STYXL2: variants seen among roughly 807,000 people sequenced by gnomAD.
The protein encoded by STYXL2 is serine/threonine/tyrosine interacting like 2.
Under a neutral mutation model 52.4 loss-of-function variants are expected in STYXL2, and 44 were observed. The ratio of observed to expected loss-of-function variants is 0.84; its 90% confidence interval spans 0.66 to 1.08. STYXL2 has a LOEUF of 1.08. Ranked by LOEUF, STYXL2 falls within the 50% of genes least tolerant of loss-of-function variation. The pLI is 0.00. For missense variants in STYXL2, 1,604 were observed against 1,471.7 expected (o/e 1.09, Z -1.47); for synonymous variants, 604 against 586.9 (o/e 1.03, Z -0.42).
chr1:167,124,645 A>G (rs2102246772), intron 5 of STYXL2, among the ~76,000 whole-genome samples: 1 of 152,374 alleles, frequency 6.6e-6, no homozygotes, highest in Admixed American at 6.5e-5. Context: ...CTATAAAAAC[A>G]GACATCCACC....
rs777587568 is a variant in STYXL2, at chr1:167,113,806, T to C, written c.205+2T>C. ...CAGCCAAACAGATCATCAATGAAGG[T>C]AATGCAATCAAAAGCTGGGTGGAAG... is the stretch of plus-strand genomic sequence containing the variant. On this transcript the variant is annotated splice_donor_variant, in intron 3 of 5. Coordinates refer to ENST00000361200, the MANE Select transcript of STYXL2 (RefSeq NM_001080426.3). LOFTEE classifies it high-confidence loss of function. The C allele has an allele frequency of 3.1e-6, 5 of 1,611,968 alleles. No homozygotes were observed. The highest frequency in any genetic ancestry group is 2.2e-5 in the South Asian group (2 of 91,034).
In STYXL2 at chr1:167,113,388, C is replaced by T. The variant is rs984046694; in HGVS notation, c.111-322C>T. 5.3e-5 allele frequency among the ~76,000 whole-genome samples: 8 copies of T among 152,148 alleles called. No individual in the cohort carries two copies. In the South Asian group the frequency reaches 8.3e-4, roughly 16 times the overall value. ...GAGACAAAATTTTTAAAATGAGCAG[C>T]GGGACATCCAAGAAAGTGAAGCCAC... On this transcript the variant is annotated intron_variant, in intron 2 of 5. Coordinates refer to ENST00000361200, the MANE Select transcript of STYXL2 (RefSeq NM_001080426.3).
At position 167,094,077 on chromosome 1, in the gene STYXL2, G is replaced by A. The variant is rs569524867; in HGVS notation, c.-134G>A. 6 of 152,528 alleles carry A rather than the reference G, an allele frequency of 3.9e-5. No individual in the cohort carries two copies. The South Asian group carries it at 1.2e-3, about 32-fold the overall frequency. The allele number at this position is 152,528 out of a possible 1,614,324, so 9.4% of individuals were successfully genotyped here. ...CTGTTAACAGCTGTCCTGCCCCTAG[G>A]AGAAGAAGCCCTGAGGAAGGAGGTG... On this transcript the variant is annotated 5_prime_UTR_variant, in exon 1 of 6. Transcript: ENST00000361200.
intron 5 of STYXL2, 116 bp from the exon 6 acceptor site, chr1:167,125,671 G>A (rs12118751): frequency 1.4e-6 from 2 of 1,397,344 alleles, no homozygotes; most frequent in East Asian, 5.4e-5. Flanking sequence ...CAGAGGCAAA[G>A]TAAACACCTT....
At chr1:167,106,977 T>G (rs1180106224) in intron 2 of STYXL2, among the ~76,000 whole-genome samples, 1 of 152,190 alleles carries the variant, frequency 6.6e-6, no homozygotes, top group African/African-American at 2.4e-5. Flanking sequence ...ATAATTTCAT[T>G]TTGCTCCCCT....
chr1:167,113,908 A>G, intron 3 of STYXL2, 104 bp downstream of exon 3: 2 of 881,200 alleles, frequency 2.3e-6, no homozygotes, highest in Middle Eastern at 2.2e-4. Context: ...GGTGCTGCCC[A>G]TCACGTTAGG....
At chr1:167,100,214 G>T (rs1042037660) in intron 2 of STYXL2, among the ~76,000 whole-genome samples, 1 of 152,208 alleles carries the variant, frequency 6.6e-6, no homozygotes, top group Non-Finnish European at 1.5e-5. Context: ...AACTAATCCA[G>T]TCCCCCAAGA....
chr1:167,115,423 G>C (rs757833104), intron 3 of STYXL2, among the ~76,000 whole-genome samples: 7 of 152,182 alleles, frequency 4.6e-5, no homozygotes, highest in Non-Finnish European at 8.8e-5. Context: ...CAGGGAGAGA[G>C]GCAAGCTCTA....
At chr1:167,100,129 A>G (rs1169143646) in intron 2 of STYXL2, among the ~76,000 whole-genome samples, 1 of 152,272 alleles carries the variant, frequency 6.6e-6, no homozygotes, top group African/African-American at 2.4e-5. Flanking sequence ...TGCATGTGAA[A>G]GAGGAGAGCA....
intron 5 of STYXL2, among the ~76,000 whole-genome samples, chr1:167,120,870 A>C (rs1033965275): frequency 1.4e-5 from 1 of 69,194 alleles, no homozygotes; most frequent in African/African-American, 4.7e-5. Context: ...ATATATATAT[A>C]TATATATATA....
intron 5 of STYXL2, among the ~76,000 whole-genome samples, chr1:167,123,203 A>C (rs1667893573): frequency 6.6e-6 from 1 of 152,220 alleles, no homozygotes; most frequent in African/African-American, 2.4e-5. Flanking sequence ...GAGAAGACAG[A>C]AAATCCTGTT....
In STYXL2 at chr1:167,126,639, A is replaced by C. The variant is rs1558027727; in HGVS notation, c.1508A>C (p.Glu503Ala). The stretch of plus-strand genomic sequence containing the variant: ...TACCACGCCAAGAGCAAGAGAGAGG[A>C]GGCGGCAGACAGGAGCTCAGAAGCA... ...RRYHAKSKRE[E>A]AADRSSEAGS... The change falls in exon 6 of 6, where the codon GAG (glutamate) becomes GCG (alanine). Residue 503 changes from glutamate (E) to alanine (A), a missense_variant. Physicochemically the swap from Glu to Ala is moderately radical, Grantham distance 107 (BLOSUM62 -1). Transcript: ENST00000361200. 3.1e-6 allele frequency: 5 copies of C among 1,614,004 alleles called. No individual in the cohort carries two copies. Among genetic ancestry groups the C allele is most frequent in the Non-Finnish European group, 3.4e-6 (4 of 1,179,996 alleles).
chr1:167,103,812 A>G (rs1336117814), intron 2 of STYXL2, among the ~76,000 whole-genome samples: 1 of 152,136 alleles, frequency 6.6e-6, no homozygotes, highest in Non-Finnish European at 1.5e-5. Flanking sequence ...AGTCACCTAA[A>G]CAAATACAGC....
rs1458043342 is a variant in STYXL2, at chr1:167,116,637, CT to C, written c.206-679del. ...TTCACTCATTTGGTAAATACTTCTA[CT>C]TTTTTTTTTTTGGTTTTTTTTTTTT... On this transcript the variant is annotated intron_variant, in intron 3 of 5. Coordinates refer to ENST00000361200, the MANE Select transcript of STYXL2 (RefSeq NM_001080426.3). Among the ~76,000 whole-genome samples, 752 of 123,780 alleles carry C rather than the reference CT, an allele frequency of 6.1e-3. 9 individuals are homozygous for C. Among genetic ancestry groups the C allele is most frequent in the African/African-American group, 0.02 (630 of 32,198 alleles). 81.2% of individuals were successfully genotyped at this position (123,780 alleles called of 152,430 possible). A position where few individuals can be genotyped will look rare whatever the true frequency, so the allele number is the denominator to read the frequency against.
At chr1:167,118,969 A>G (rs1667789747) in intron 4 of STYXL2, among the ~76,000 whole-genome samples, 1 of 152,240 alleles carries the variant, frequency 6.6e-6, no homozygotes, top group Non-Finnish European at 1.5e-5. Context: ...TTAAACTAGA[A>G]GTCTCTGGAT....
Position 167,125,848 on chromosome 1 carries a change from C to T in STYXL2, c.717C>T (p.Tyr239=), listed in dbSNP as rs1473686842. The T allele has an allele frequency of 6.2e-7, 1 of 1,613,742 alleles. No homozygotes were observed. The highest frequency in any genetic ancestry group is 1.7e-5 in the Admixed American group (1 of 59,972). ...GGTCAGCAGTGCTGGTGGTCGCCTACCTGATGATCTTCCACAACATGGCCA... is the reference window on the plus strand; with the variant it reads ...GGTCAGCAGTGCTGGTGGTCGCCTATCTGATGATCTTCCACAACATGGCCA... The part of the protein sequence containing the change: ...ISRSAVLVVA[Y]LMIFHNMAIL... The change falls in exon 6 of 6, where the codon TAC becomes TAT. Residue 239 remains tyrosine (Y), a synonymous_variant. Transcript: ENST00000361200.
At chr1:167,114,866 A>T (rs992589558) in intron 3 of STYXL2, among the ~76,000 whole-genome samples, 1 of 152,066 alleles carries the variant, frequency 6.6e-6, no homozygotes, top group Admixed American at 6.5e-5. Context: ...ACCCTGGTCC[A>T]GTTCTCTCTG....
intron 3 of STYXL2, among the ~76,000 whole-genome samples, 174 bp from the exon 4 acceptor site, chr1:167,117,154 C>T (rs919430369): frequency 2.0e-5 from 3 of 152,214 alleles, no homozygotes; most frequent in African/African-American, 7.2e-5. Flanking sequence ...AGTGTTTGGG[C>T]CAGTGCAGCA....
Position 167,126,284 on chromosome 1 carries a change from G to A in STYXL2, c.1153G>A (p.Glu385Lys), listed in dbSNP as rs1165783461. ...CTCTGGCCAGGGTGGGGAGGAGCTC[G>A]AGGACGAGGACGTGGAGAGGATCAT... ...ASSGQGGEEL[E>K]DEDVERIIQE... Residue 385 changes from glutamate (E) to lysine (K), a missense_variant, in exon 6 of 6, where the codon GAG (glutamate) becomes AAG (lysine). Transcript: ENST00000361200. 3.9e-6 allele frequency: 6 copies of A among 1,530,446 alleles called. No individual in the cohort carries two copies. The highest frequency in any genetic ancestry group is 4.3e-5 in the Admixed American group (2 of 46,614). The allele number at this position is 1,530,446 out of a possible 1,614,324, so 94.8% of individuals were successfully genotyped here. A position where few individuals can be genotyped will look rare whatever the true frequency, so the allele number is the denominator to read the frequency against.
Sources: allele counts gnomAD v4.1 joint callset (sites outside exome capture counted in the v4.1 genomes callset), GRCh38; gene constraint gnomAD v4.1.1; transcripts MANE v1.5; gene names NCBI Gene and HGNC (gene_info 2026-07-23, HGNC 2026-07-21).